Variants in SLC24A2 observed in about 807,000 individuals in gnomAD.
The protein encoded by SLC24A2 is solute carrier family 24 member 2.
In SLC24A2, 36 loss-of-function variants were observed where a neutral mutation model predicts 62.0. That is an observed-to-expected ratio of 0.58 (90% CI 0.44 to 0.77). SLC24A2 has a LOEUF of 0.77. SLC24A2 is among the 30% of genes least tolerant of loss of function. SLC24A2 has a pLI of 0.00. For synonymous variants in SLC24A2, 358 were observed against 294.0 expected (o/e 1.22, Z -2.23); for missense variants, 846 against 817.9 (o/e 1.03, Z -0.42).
rs368085552 is a variant in SLC24A2 at position 19,541,238 on chromosome 9, G to A, written c.1479+8899C>T. Among the ~76,000 whole-genome samples the A allele has an allele frequency of 3.3e-4, 48 of 147,278 alleles. 1 individual carries two copies. Among genetic ancestry groups the A allele is most frequent in the East Asian group, 1.6e-3 (8 of 4,934 alleles). On this transcript the variant is annotated intron_variant, in intron 8 of 10. Transcript: ENST00000341998. ...ATCATTCTCCATCCAGCTTTGTTCCGTTGCTGGTGAGGAACTGCGTTCCTT... is the reference window on the plus strand; with the variant it reads ...ATCATTCTCCATCCAGCTTTGTTCCATTGCTGGTGAGGAACTGCGTTCCTT...
chr9:20,073,696 T>C, the SLC24A2 span, among the ~76,000 whole-genome samples: 5 of 152,026 alleles, frequency 3.3e-5, no homozygotes, highest in Non-Finnish European at 7.4e-5. Flanking sequence ...ACCATTTCCA[T>C]TTTTTCCATA....
intron 2 of SLC24A2, among the ~76,000 whole-genome samples, chr9:19,674,795 C>T (rs951114263): frequency 3.3e-5 from 5 of 152,152 alleles, no homozygotes; most frequent in African/African-American, 7.2e-5. Context: ...AGTTGGACTT[C>T]ATCTTTCTCT....
At chr9:19,834,480 G>A in the SLC24A2 span, among the ~76,000 whole-genome samples, 2 of 152,124 alleles carry the variant, frequency 1.3e-5, no homozygotes, top group African/African-American at 4.8e-5. Context: ...TATCAGCGAT[G>A]GAAGATGAAA....
chr9:19,841,436 G>A, the SLC24A2 span, among the ~76,000 whole-genome samples: 2 of 152,132 alleles, frequency 1.3e-5, no homozygotes, highest in Non-Finnish European at 2.9e-5. Flanking sequence ...AACCCTTCAG[G>A]CAGACACATA....
At chr9:20,259,356 A>G in the SLC24A2 span, among the ~76,000 whole-genome samples, 1 of 152,232 alleles carries the variant, frequency 6.6e-6, no homozygotes, top group African/African-American at 2.4e-5. Context: ...TACTATAACC[A>G]TTTTGATAAA....
chr9:19,677,899 G>A (rs1819606136), intron 2 of SLC24A2, among the ~76,000 whole-genome samples: 1 of 151,280 alleles, frequency 6.6e-6, no homozygotes, highest in Admixed American at 6.6e-5. Context: ...GCAAACATAA[G>A]CATATAAAAT....
the SLC24A2 span, among the ~76,000 whole-genome samples, chr9:20,256,081 C>A: frequency 6.6e-6 from 1 of 152,174 alleles, no homozygotes; most frequent in Non-Finnish European, 1.5e-5. Flanking sequence ...TGAACTCATC[C>A]TTTCATATCA....
the SLC24A2 span, among the ~76,000 whole-genome samples, chr9:20,106,154 G>T: frequency 9.1e-4 from 139 of 152,294 alleles, no homozygotes; most frequent in African/African-American, 2.9e-3. Context: ...CCAGGAAGAA[G>T]TTGAATCTCT....
At chr9:19,900,783 C>T in the SLC24A2 span, among the ~76,000 whole-genome samples, 1 of 152,156 alleles carries the variant, frequency 6.6e-6, no homozygotes, top group South Asian at 2.1e-4. Context: ...CTACTCTATT[C>T]TCTTACTAAC....
the SLC24A2 span, among the ~76,000 whole-genome samples, chr9:19,925,415 G>T: frequency 6.6e-6 from 1 of 152,098 alleles, no homozygotes; most frequent in African/African-American, 2.4e-5. Flanking sequence ...TTTGGCATAG[G>T]TAAGCACAAT....
chr9:19,929,355 A>C, the SLC24A2 span: 1 of 152,216 alleles, frequency 6.6e-6, no homozygotes, highest in African/African-American at 2.4e-5. Flanking sequence ...GAGTCTGCTG[A>C]ATTTGTCTTA....
chr9:19,776,350 T>C (rs540263996), intron 2 of SLC24A2, among the ~76,000 whole-genome samples: 3 of 152,348 alleles, frequency 2.0e-5, no homozygotes, highest in African/African-American at 7.2e-5. Context: ...ATCATTTATG[T>C]TTCCCAATCC....
the SLC24A2 span, among the ~76,000 whole-genome samples, chr9:20,202,776 T>G: frequency 6.6e-6 from 1 of 152,162 alleles, no homozygotes; most frequent in African/African-American, 2.4e-5. Context: ...CAAAATGTAA[T>G]TATAATAAAA....
Position 19,574,738 on chromosome 9 carries a change from C to A in SLC24A2, c.1229-1269G>T, listed in dbSNP as rs557731289. On this transcript the variant is annotated intron_variant, in intron 6 of 10. Transcript: ENST00000341998. ...TTTTTGTCATGACAAAGAGGAGTAC[C>A]ATCAGGTGATCAATGTTCCAGCACC... Among the ~76,000 whole-genome samples the A allele has an allele frequency of 1.4e-4, 22 of 152,146 alleles. No individual in the cohort carries two copies. In the South Asian group the frequency reaches 4.4e-3, roughly 30 times the overall value.
At chr9:20,304,122 G>A in the SLC24A2 span, among the ~76,000 whole-genome samples, 1 of 152,206 alleles carries the variant, frequency 6.6e-6, no homozygotes, top group African/African-American at 2.4e-5. Context: ...GCTAGCTTCA[G>A]TTTCCACTCT....
At chr9:19,889,814 T>C in the SLC24A2 span, among the ~76,000 whole-genome samples, 1 of 152,202 alleles carries the variant, frequency 6.6e-6, no homozygotes, top group Non-Finnish European at 1.5e-5. Flanking sequence ...TTTCTTTTGC[T>C]CCACGTGGAC....
At chr9:20,305,570 T>C in the SLC24A2 span, among the ~76,000 whole-genome samples, 32 of 152,216 alleles carry the variant, frequency 2.1e-4, no homozygotes, top group Admixed American at 2.1e-3. Flanking sequence ...GAAGGGAGAC[T>C]GATCTCTAAG....
At chr9:19,865,535 A>G in the SLC24A2 span, among the ~76,000 whole-genome samples, 71 of 152,298 alleles carry the variant, frequency 4.7e-4, no homozygotes, top group Non-Finnish European at 8.1e-4. Flanking sequence ...GAGAACCCAG[A>G]AACAAATCTA....
chr9:20,297,248 G>C, the SLC24A2 span, among the ~76,000 whole-genome samples: 2 of 152,158 alleles, frequency 1.3e-5, no homozygotes, highest in Non-Finnish European at 2.9e-5. Context: ...AACCTGAAGG[G>C]AAGGTTACAG....
Sources: gnomAD v4.1 joint callset for allele counts (sites outside exome capture counted in the v4.1 genomes callset) on GRCh38, gnomAD v4.1.1 for gene constraint, MANE v1.5 for transcripts, NCBI Gene and HGNC (gene_info 2026-07-23, HGNC 2026-07-21) for gene names.